The following RASA2 variants were observed in gnomAD, a reference collection of about 807,000 sequenced individuals.
RASA2 encodes ras GTPase-activating protein 2.
RASA2 carries 155 observed loss-of-function variants against 118.2 expected under a neutral mutation model. That is an observed-to-expected ratio of 1.31 (90% CI 1.15 to 1.50). The LOEUF (loss-of-function observed/expected upper bound fraction) is 1.50, where lower values mean the gene tolerates loss of function less well. Ranked by LOEUF, RASA2 falls within the 40% of genes most tolerant of loss-of-function variation. The probability of loss-of-function intolerance (pLI) is 0.00; values close to 1 mark genes in which losing one functional copy is unlikely to be tolerated. For missense variants in RASA2, 1,016 were observed against 1,009.6 expected, an observed-to-expected ratio of 1.01 and a Z score of -0.09; for synonymous variants, 353 against 349.1, an observed-to-expected ratio of 1.01 and a Z score of -0.12.
At chr3:141,603,395 A>C (rs1472927651) in intron 19 of RASA2, among the ~76,000 whole-genome samples, 2 of 151,898 alleles carry the variant, frequency 1.3e-5, no homozygotes, top group Non-Finnish European at 1.5e-5. Context: ...ACATGGTGAA[A>C]CTCCATCTCT....
intron 3 of RASA2, among the ~76,000 whole-genome samples, chr3:141,521,102 G>T (rs543152988): frequency 5.3e-5 from 8 of 152,196 alleles, no homozygotes; most frequent in Non-Finnish European, 8.8e-5. Flanking sequence ...TATTACCGGG[G>T]TACATCTTAG....
chr3:141,508,547 T>G (rs2081903657), intron 1 of RASA2, among the ~76,000 whole-genome samples: 1 of 151,882 alleles, frequency 6.6e-6, no homozygotes, highest in Non-Finnish European at 1.5e-5. Flanking sequence ...CTGGCTAATT[T>G]TTTGTATTTT....
intron 19 of RASA2, among the ~76,000 whole-genome samples, chr3:141,599,729 A>G (rs1237128398): frequency 1.4e-5 from 2 of 141,808 alleles, no homozygotes; most frequent in Non-Finnish European, 3.3e-5. Context: ...AGGCATTTCA[A>G]TTTGTGAACC....
chr3:141,570,423 G>A (rs1036039701), intron 9 of RASA2, among the ~76,000 whole-genome samples: 6 of 151,912 alleles, frequency 3.9e-5, no homozygotes, highest in Admixed American at 3.9e-4. Context: ...TTTCACCATG[G>A]TGGCCAGGCT....
Position 141,492,057 on chromosome 3 carries a change from C to G in RASA2, c.133+4841C>G, listed in dbSNP as rs113154200. Among the ~76,000 whole-genome samples, 1,301 of 152,244 alleles carry G rather than the reference C, an allele frequency of 8.5e-3. 22 individuals carry two copies. Among genetic ancestry groups the G allele is most frequent in the African/African-American group, 0.025 (1,049 of 41,550 alleles). On this transcript the variant is annotated intron_variant, in intron 1 of 23. Coordinates refer to ENST00000286364, the MANE Select transcript of RASA2 (RefSeq NM_006506.5). ...AATCCATCTTTCAGATGGATAGAAACTGGGGAGAAAAGGGTTCTTTGTAAA... is the reference window on the plus strand; with the variant it reads ...AATCCATCTTTCAGATGGATAGAAAGTGGGGAGAAAAGGGTTCTTTGTAAA...
intron 1 of RASA2, among the ~76,000 whole-genome samples, chr3:141,499,968 C>T (rs1376715966): frequency 2.6e-5 from 4 of 152,128 alleles, no homozygotes; most frequent in Admixed American, 6.5e-5. Context: ...AGTCATTTGC[C>T]AGGAGTGAGG....
chr3:141,560,803 T>C (rs1411667716), intron 9 of RASA2, among the ~76,000 whole-genome samples: 1 of 152,170 alleles, frequency 6.6e-6, no homozygotes, highest in Non-Finnish European at 1.5e-5. Flanking sequence ...TAAGGAGCAC[T>C]TTTTGGATCT....
chr3:141,506,093 A>C (rs1049007328), intron 1 of RASA2, among the ~76,000 whole-genome samples: 1 of 152,218 alleles, frequency 6.6e-6, no homozygotes, highest in African/African-American at 2.4e-5. Flanking sequence ...ATTAGTTAAC[A>C]GTTATGTTGT....
chr3:141,554,002 AAGT>A, intron 6 of RASA2, 62 bp downstream of exon 6: 1 of 1,547,976 alleles, frequency 6.5e-7, no homozygotes, highest in Non-Finnish European at 8.7e-7. Flanking sequence ...AAAATTTAAA[AAGT>A]AAGATTCTAC....
At chr3:141,595,984 T>G (rs1288046280) in intron 19 of RASA2, among the ~76,000 whole-genome samples, 1 of 152,208 alleles carries the variant, frequency 6.6e-6, no homozygotes, top group Non-Finnish European at 1.5e-5. Flanking sequence ...AAGAACCAGT[T>G]TTCTTACAGA....
rs1258842306 is a variant in RASA2, at chr3:141,529,743, C to T, written c.391C>T (p.His131Tyr). The stretch of plus-strand genomic sequence containing the variant: ...CATCAAAAAAGAAGACTTGTGTAAT[C>T]ACAGTGGCAAAGAAACTTGGTTTTC... ...VAIKKEDLCN[H>Y]SGKETWFSLQ... is the part of the protein sequence containing the mutation. The change falls in exon 4 of 24, where the codon CAC (histidine) becomes TAC (tyrosine). Residue 131 changes from histidine (H) to tyrosine (Y), a missense_variant. Transcript: ENST00000286364. 1 of 1,612,112 alleles carries T rather than the reference C, an allele frequency of 6.2e-7. No individual in the cohort carries two copies. Among genetic ancestry groups the T allele is most frequent in the East Asian group, 2.2e-5 (1 of 44,744 alleles).
chr3:141,556,273 G>A (rs2082648625), intron 7 of RASA2, among the ~76,000 whole-genome samples: 1 of 152,124 alleles, frequency 6.6e-6, no homozygotes, highest in African/African-American at 2.4e-5. Flanking sequence ...TGAAGTAAGT[G>A]TAATTATCAC....
At chr3:141,542,500 T>A (rs1278517623) in intron 5 of RASA2, among the ~76,000 whole-genome samples, 1 of 152,176 alleles carries the variant, frequency 6.6e-6, no homozygotes, top group Non-Finnish European at 1.5e-5. Flanking sequence ...AGTTTGATTT[T>A]TTTCCCCCAA....
intron 4 of RASA2, among the ~76,000 whole-genome samples, chr3:141,537,277 C>G (rs1004717028): frequency 9.9e-5 from 15 of 151,852 alleles, no homozygotes; most frequent in Non-Finnish European, 2.1e-4. Context: ...TATGCTTTTT[C>G]CCTCTCTGTG....
rs556617863 is a variant in RASA2, at chr3:141,592,876, GA to G, written c.1933+6135del. Among the ~76,000 whole-genome samples the G allele has an allele frequency of 1.1e-3, 159 of 141,656 alleles. 1 individual carries two copies. Among genetic ancestry groups the G allele is most frequent in the African/African-American group, 3.1e-3 (122 of 38,794 alleles). 92.9% of individuals were successfully genotyped at this position (141,656 alleles called of 152,430 possible). A position where few individuals can be genotyped will look rare whatever the true frequency, so the allele number is the denominator to read the frequency against. ...ATGGAGTCAGTATAAAACTGAACTT[GA>G]AAAAAAAAAAGAAGAGTCCTGGTAA... On this transcript the variant is annotated intron_variant, in intron 19 of 23. Coordinates refer to ENST00000286364, the MANE Select transcript of RASA2 (RefSeq NM_006506.5).
At chr3:141,555,815 G>A in intron 6 of RASA2, 25 bp from the exon 7 acceptor site, 1 of 1,594,602 alleles carries the variant, frequency 6.3e-7, no homozygotes, top group Non-Finnish European at 8.6e-7. Context: ...GTTCTACAAG[G>A]TAAAACTCTA....
At chr3:141,518,481 T>TAAA in intron 3 of RASA2, among the ~76,000 whole-genome samples, 1 of 15,804 alleles carries the variant, frequency 6.3e-5, no homozygotes, top group Non-Finnish European at 1.1e-4. Context: ...AGACACCATC[T>TAAA]CAAAAAAAAA....
At chr3:141,605,045 G>A (rs1437274638) in intron 19 of RASA2, among the ~76,000 whole-genome samples, 10 of 151,968 alleles carry the variant, frequency 6.6e-5, no homozygotes, top group Non-Finnish European at 1.3e-4. Context: ...CTGCTGATGA[G>A]GATTTTGATG....
chr3:141,574,179 T>TTTTTA (rs983386399), intron 14 of RASA2, 112 bp downstream of exon 14: 13 of 702,286 alleles, frequency 1.9e-5, no homozygotes, highest in Middle Eastern at 5.2e-4. Context: ...TATTTATTTA[T>TTTTTA]TTTTATTTTA....
Sources: gnomAD v4.1 joint callset for allele counts (sites outside exome capture counted in the v4.1 genomes callset) on GRCh38, gnomAD v4.1.1 for gene constraint, MANE v1.5 for transcripts, NCBI Gene and HGNC (gene_info 2026-07-23, HGNC 2026-07-21) for gene names.